The following HIP1 variants were observed in gnomAD, a reference collection of about 807,000 sequenced individuals.
HIP1 encodes the protein huntingtin interacting protein 1.
A neutral mutation model predicts 147.6 loss-of-function variants in HIP1; 65 were observed. The ratio of observed to expected loss-of-function variants is 0.44; its 90% CI spans 0.36 to 0.54. The LOEUF is 0.54. Among genes scored for constraint, HIP1 ranks in the 20% least tolerant of loss-of-function variants. The probability of loss-of-function intolerance (pLI) is 0.00; values close to 1 mark genes in which losing one functional copy is unlikely to be tolerated. For missense variants in HIP1, 1,061 were observed against 1,299.6 expected, an observed-to-expected ratio of 0.82 and a Z score of 2.82; for synonymous variants, 479 against 504.0, an observed-to-expected ratio of 0.95 and a Z score of 0.67.
At position 75,548,934 on chromosome 7, in the gene HIP1, G is replaced by A. The variant is rs782369265; in HGVS notation, c.2363C>T (p.Ala788Val). 1.3e-5 allele frequency: 21 copies of A among 1,613,824 alleles called. No individual in the cohort carries two copies. Among genetic ancestry groups the A allele is most frequent in the South Asian group, 3.3e-5 (3 of 91,078 alleles). The change falls in exon 23 of 31, where the codon GCG becomes GTG. Residue 788 changes from alanine to valine, a missense_variant. Transcript: ENST00000336926. ...AGTTTCAATAGCAGCTGAAGTGGCC[G>A]CCATCTCCTTGTCCACCAGGTCCCC... The part of the protein sequence containing the change: ...ELGDLVDKEM[A>V]ATSAAIETAT...
intron 13 of HIP1, among the ~76,000 whole-genome samples, chr7:75,560,721 C>T (rs587771100): frequency 5.3e-5 from 8 of 152,198 alleles, no homozygotes; most frequent in Middle Eastern, 3.4e-3. Flanking sequence ...ACAGAGAACA[C>T]GGGAAGACCT....
rs138249867 is a variant in HIP1, at chr7:75,677,332, G to T, written c.120+61469C>A. ...AAAAAGACAAGCCTTTCAGCCAGGC[G>T]TGGTGGCTCACGCCTGTAATCCCAG... On this transcript the variant is annotated intron_variant, in intron 1 of 30. Transcript: ENST00000336926. 3.6e-4 allele frequency among the ~76,000 whole-genome samples: 55 copies of T among 151,638 alleles called. 1 individual carries two copies. Among genetic ancestry groups the T allele is most frequent in the Admixed American group, 3.2e-3 (49 of 15,212 alleles).
intron 1 of HIP1, among the ~76,000 whole-genome samples, chr7:75,623,358 G>T (rs1359542212): frequency 2.0e-5 from 3 of 152,120 alleles, no homozygotes; most frequent in Non-Finnish European, 1.5e-5. Context: ...GAGGAGGTGG[G>T]CTCAAGGTTT....
At chr7:75,563,974 C>G (rs1347197504) in intron 9 of HIP1, among the ~76,000 whole-genome samples, 1 of 152,116 alleles carries the variant, frequency 6.6e-6, no homozygotes, top group Non-Finnish European at 1.5e-5. Context: ...CTCATTGCAG[C>G]CTTGAATTCC....
chr7:75,725,464 C>T (rs1459545959), intron 1 of HIP1, among the ~76,000 whole-genome samples: 2 of 152,150 alleles, frequency 1.3e-5, no homozygotes, highest in African/African-American at 4.8e-5. Flanking sequence ...AACTCCCTTT[C>T]CCCACCCTCC....
chr7:75,617,585 C>T (rs1797713616), intron 1 of HIP1, among the ~76,000 whole-genome samples: 1 of 152,156 alleles, frequency 6.6e-6, no homozygotes, highest in Admixed American at 6.6e-5. Flanking sequence ...CTGCCTCCCT[C>T]CATAAGAGAA....
At chr7:75,587,375 C>T (rs1369090223) in intron 4 of HIP1, among the ~76,000 whole-genome samples, 1 of 152,212 alleles carries the variant, frequency 6.6e-6, no homozygotes, top group Non-Finnish European at 1.5e-5. Context: ...AGCCACCGCA[C>T]CCAGCCATCT....
intron 1 of HIP1, among the ~76,000 whole-genome samples, chr7:75,710,669 C>T (rs1475654026): frequency 2.0e-5 from 3 of 152,162 alleles, no homozygotes; most frequent in African/African-American, 7.2e-5. Flanking sequence ...GGGAGGATCA[C>T]TTGAGGCCAG....
chr7:75,600,391 G>A (rs899653523), intron 1 of HIP1, among the ~76,000 whole-genome samples: 13 of 152,060 alleles, frequency 8.5e-5, no homozygotes, highest in Non-Finnish European at 1.0e-4. Context: ...GATTACAGGC[G>A]TGAGCCACTG....
At chr7:75,725,608 C>G (rs1015859445) in intron 1 of HIP1, among the ~76,000 whole-genome samples, 2 of 152,062 alleles carry the variant, frequency 1.3e-5, no homozygotes, top group Non-Finnish European at 2.9e-5. Context: ...TTGTGTCTGC[C>G]TTTTTCTTCA....
intron 29 of HIP1, among the ~76,000 whole-genome samples, chr7:75,541,331 C>T (rs1794302499): frequency 6.6e-6 from 1 of 152,048 alleles, no homozygotes; most frequent in Non-Finnish European, 1.5e-5. Context: ...GAGATCGAGA[C>T]CATCCTGGCT....
chr7:75,738,734 A>G (rs2117427490), intron 1 of HIP1, 67 bp downstream of exon 1: 2 of 1,548,826 alleles, frequency 1.3e-6, no homozygotes, highest in South Asian at 2.4e-5. Context: ...TACTCCCTTC[A>G]AAGCCCCTCC....
chr7:75,574,392 C>A (rs1226473571), intron 7 of HIP1, among the ~76,000 whole-genome samples: 1 of 150,578 alleles, frequency 6.6e-6, no homozygotes, highest in Admixed American at 6.6e-5. Context: ...AGTTCGAGAC[C>A]AGCCTCTCCA....
In HIP1 at chr7:75,546,993, C is replaced by G; in HGVS notation, c.2505G>C (p.Gln835His). The G allele has an allele frequency of 6.3e-7, 1 of 1,588,874 alleles. No homozygotes were observed. Among genetic ancestry groups the G allele is most frequent in the Non-Finnish European group, 8.6e-7 (1 of 1,166,766 alleles). Residue 835 changes from glutamine (Q) to histidine (H), a missense_variant, in exon 25 of 31, where the codon CAG (glutamine) becomes CAC (histidine). Coordinates refer to ENST00000336926, the MANE Select transcript of HIP1 (RefSeq NM_005338.7). ...GCCTSLMQAIQVLIVASKDLQ... is the reference protein window; with the variant it reads ...GCCTSLMQAIHVLIVASKDLQ... ...GGTCCTTAGAGGCCACGATGAGCAC[C>G]TGAATAGCTTGCATGAGGCTGGTAC...
intron 30 of HIP1, among the ~76,000 whole-genome samples, chr7:75,539,008 T>C (rs782332619): frequency 6.6e-6 from 1 of 152,304 alleles, no homozygotes; most frequent in African/African-American, 2.4e-5. Context: ...AACTCTCTGC[T>C]GGCCAGAAAC....
At chr7:75,544,600 C>G (rs1794471868) in intron 27 of HIP1, 95 bp downstream of exon 27, 1 of 769,976 alleles carries the variant, frequency 1.3e-6, no homozygotes, top group Admixed American at 2.0e-5. Context: ...CTAACTCAGC[C>G]AAGTACTGCC....
chr7:75,681,055 C>T (rs528090798), intron 1 of HIP1, among the ~76,000 whole-genome samples: 1 of 152,190 alleles, frequency 6.6e-6, no homozygotes, highest in South Asian at 2.1e-4. Context: ...GGATTATGGG[C>T]ATGAGCCACA....
chr7:75,595,235 T>TTCCTTCCTTCCTTC (rs1563230194), intron 2 of HIP1, among the ~76,000 whole-genome samples: 4 of 109,456 alleles, frequency 3.7e-5, no homozygotes, highest in East Asian at 4.9e-4. Context: ...TTTCTTTCTT[T>TTCCTTCCTTCCTTC]CTTTCTTTCT....
intron 1 of HIP1, among the ~76,000 whole-genome samples, chr7:75,734,872 C>T (rs1461112581): frequency 6.6e-6 from 1 of 152,194 alleles, no homozygotes; most frequent in African/African-American, 2.4e-5. Context: ...CTTCAGTCCT[C>T]GGGGAGGGCT....
Sources: gnomAD v4.1 joint callset for allele counts (sites outside exome capture counted in the v4.1 genomes callset) on GRCh38, gnomAD v4.1.1 for gene constraint, MANE v1.5 for transcripts, NCBI Gene and HGNC (gene_info 2026-07-23, HGNC 2026-07-21) for gene names.